The following FBXL4 variants were observed in gnomAD, a reference collection of about 807,000 sequenced individuals.
FBXL4 encodes the protein F-box/LRR-repeat protein 4.
Under a neutral mutation model 58.9 loss-of-function variants are expected in FBXL4, and 40 were observed. That is an observed-to-expected ratio of 0.68 (90% CI 0.53 to 0.88). The LOEUF is 0.88. FBXL4 is among the 40% of genes least tolerant of loss of function. The pLI is 0.00. For missense variants in FBXL4, 676 were observed against 734.4 expected (o/e 0.92, Z 0.92); for synonymous variants, 263 against 265.5 (o/e 0.99, Z 0.09).
intron 8 of FBXL4, among the ~76,000 whole-genome samples, chr6:98,876,199 A>AT (rs1770656900): frequency 6.6e-6 from 1 of 152,206 alleles, no homozygotes; most frequent in South Asian, 2.1e-4. Flanking sequence ...TAATAAGGAT[A>AT]CTAGTTTTGG....
chr6:98,898,700 G>C, intron 7 of FBXL4: 1 of 984,706 alleles, frequency 1.0e-6, no homozygotes, highest in Non-Finnish European at 1.2e-6. Flanking sequence ...ATCATTTGGA[G>C]AATGTTAAAT....
chr6:98,872,225 A>G lies in FBXL4; in HGVS notation c.*2053T>C, dbSNP rs1770509418. 6.6e-6 allele frequency: 1 copy of G among 152,216 alleles called. No individual in the cohort carries two copies. Among genetic ancestry groups the G allele is most frequent in the African/African-American group, 2.4e-5 (1 of 41,458 alleles). 9.4% of individuals were successfully genotyped at this position (152,216 alleles called of 1,614,324 possible). The stretch of plus-strand genomic sequence containing the variant: ...TTTTCAAAATCAATTTAACAGTGCA[A>G]TTGAGGAGCTTCTGCCTAGTCTTCA... On this transcript the variant is annotated 3_prime_UTR_variant, in exon 10 of 10. Coordinates refer to ENST00000369244, the MANE Select transcript of FBXL4 (RefSeq NM_001278716.2).
chr6:98,916,602 G>C lies in FBXL4; in HGVS notation c.858+772C>G, dbSNP rs561748448. The stretch of plus-strand genomic sequence containing the variant: ...CAAACACCGCATGTTCTCACTCATA[G>C]GTGGGAATTGAACAATGAGAACACA... On this transcript the variant is annotated intron_variant, in intron 5 of 9. Transcript: ENST00000369244. 6.6e-5 allele frequency among the ~76,000 whole-genome samples: 10 copies of C among 152,008 alleles called. No homozygotes were observed. In the South Asian group the frequency reaches 2.1e-3, roughly 32 times the overall value.
chr6:98,874,818 C>A lies in FBXL4; in HGVS notation c.1703-377G>T, dbSNP rs555603720. On this transcript the variant is annotated intron_variant, in intron 9 of 9. Transcript: ENST00000369244. ...AGTGCGATATGACTTCACAAAGTATCAATTGTGTGGACAATGATAACTACT... is the reference window on the plus strand; with the variant it reads ...AGTGCGATATGACTTCACAAAGTATAAATTGTGTGGACAATGATAACTACT... Among the ~76,000 whole-genome samples the A allele has an allele frequency of 9.9e-5, 15 of 152,130 alleles. 1 individual carries two copies. The highest frequency in any genetic ancestry group is 2.2e-4 in the Non-Finnish European group (15 of 68,026).
chr6:98,942,491 T>C (rs549810636), intron 1 of FBXL4, among the ~76,000 whole-genome samples: 1 of 152,194 alleles, frequency 6.6e-6, no homozygotes, highest in African/African-American at 2.4e-5. Context: ...TGTTCTCATA[T>C]GAGTTCTGAA....
intron 1 of FBXL4, among the ~76,000 whole-genome samples, chr6:98,940,081 C>A (rs1773377479): frequency 6.6e-6 from 1 of 152,190 alleles, no homozygotes; most frequent in Non-Finnish European, 1.5e-5. Context: ...AAGTGTGTGA[C>A]TACCTTTTGA....
chr6:98,915,812 T>G (rs757904957), intron 5 of FBXL4, among the ~76,000 whole-genome samples: 7,243 of 151,130 alleles, frequency 0.048, 229 homozygotes, highest in Middle Eastern at 0.12. Context: ...AAGCCAAAAT[T>G]GACAAATGGG....
chr6:98,904,792 A>C (rs1459847696), intron 6 of FBXL4, among the ~76,000 whole-genome samples: 1 of 152,204 alleles, frequency 6.6e-6, no homozygotes, highest in Admixed American at 6.5e-5. Context: ...TATCCTAAGA[A>C]AAAATTACTA....
At position 98,875,399 on chromosome 6, in the gene FBXL4, T is replaced by C. The variant is rs1402201940; in HGVS notation, c.1702+16A>G. Reference sequence around the variant, plus strand: ...GAAACAGACATTTAAAACAAATTTATATATTGTAACCTTACCTAATATGTC... The same window carrying C: ...GAAACAGACATTTAAAACAAATTTACATATTGTAACCTTACCTAATATGTC... On this transcript the variant is annotated intron_variant, in intron 9 of 9. Coordinates refer to ENST00000369244, the MANE Select transcript of FBXL4 (RefSeq NM_001278716.2). 6 of 1,610,348 alleles carry C rather than the reference T, an allele frequency of 3.7e-6. No homozygotes were observed. The highest frequency in any genetic ancestry group is 2.2e-5 in the East Asian group (1 of 44,878).
chr6:98,933,540 T>C (rs961371905), intron 2 of FBXL4, among the ~76,000 whole-genome samples: 1 of 152,162 alleles, frequency 6.6e-6, no homozygotes, highest in Non-Finnish European at 1.5e-5. Context: ...CTTCCAATGC[T>C]TGGCACTCTC....
chr6:98,910,656 C>T (rs541927205), intron 5 of FBXL4, among the ~76,000 whole-genome samples: 7 of 145,350 alleles, frequency 4.8e-5, no homozygotes, highest in South Asian at 2.2e-4. Context: ...GACTCCATCT[C>T]GAAAAAAAAA....
intron 6 of FBXL4, among the ~76,000 whole-genome samples, chr6:98,900,725 C>G (rs1771576832): frequency 6.6e-6 from 1 of 152,160 alleles, no homozygotes; most frequent in South Asian, 2.1e-4. Flanking sequence ...TAAAAAAATT[C>G]AGTTGCTGCA....
intron 4 of FBXL4, among the ~76,000 whole-genome samples, chr6:98,925,865 A>G (rs1772756847): frequency 6.6e-6 from 1 of 152,108 alleles, no homozygotes; most frequent in Non-Finnish European, 1.5e-5. Context: ...TCCTAGGCAC[A>G]TGGAGAACAG....
At chr6:98,880,953 C>T (rs1770830921) in intron 7 of FBXL4, among the ~76,000 whole-genome samples, 1 of 152,084 alleles carries the variant, frequency 6.6e-6, no homozygotes, top group Non-Finnish European at 1.5e-5. Context: ...AATTGAACAA[C>T]AAGACAAGCT....
intron 7 of FBXL4, among the ~76,000 whole-genome samples, chr6:98,881,130 G>A (rs1770837867): frequency 6.6e-6 from 1 of 152,152 alleles, no homozygotes; most frequent in South Asian, 2.1e-4. Flanking sequence ...TGACTTTAAT[G>A]TCAAAGGATT....
At chr6:98,887,698 T>C (rs1302356307) in intron 7 of FBXL4, among the ~76,000 whole-genome samples, 1 of 152,194 alleles carries the variant, frequency 6.6e-6, no homozygotes, top group Admixed American at 6.5e-5. Flanking sequence ...CTTTGCTGAA[T>C]AAGAGACGTG....
chr6:98,921,896 T>C (rs1202012822), intron 4 of FBXL4, among the ~76,000 whole-genome samples: 4 of 152,186 alleles, frequency 2.6e-5, no homozygotes, highest in South Asian at 2.1e-4. Flanking sequence ...CTTCCCCGTT[T>C]CCTTGTCTCT....
chr6:98,903,572 T>C (rs568312844), intron 6 of FBXL4, among the ~76,000 whole-genome samples: 2 of 152,272 alleles, frequency 1.3e-5, no homozygotes, highest in South Asian at 2.1e-4. Flanking sequence ...AGAAAGTAGA[T>C]AGAAACTCTA....
In FBXL4 at chr6:98,905,469, A is replaced by G. The variant is rs1028748836; in HGVS notation, c.1060T>C (p.Trp354Arg). Residue 354 changes from tryptophan (W) to arginine (R), a missense_variant, in exon 6 of 10, where the codon TGG becomes CGG. Trp to Arg is a moderately radical substitution (Grantham distance 101, BLOSUM62 -3). Coordinates refer to ENST00000369244, the MANE Select transcript of FBXL4 (RefSeq NM_001278716.2). ...GAGATGAAGCCTCTATTGCCAGTCC[A>G]AGATAAATTAAGCCACTGGACAAGA... ...CTLVQWLNLS[W>R]TGNRGFISVA... The G allele has an allele frequency of 1.9e-6, 3 of 1,613,970 alleles. No homozygotes were observed. The highest frequency in any genetic ancestry group is 4.5e-5 in the East Asian group (2 of 44,886).
Sources: allele counts gnomAD v4.1 joint callset (sites outside exome capture counted in the v4.1 genomes callset), GRCh38; gene constraint gnomAD v4.1.1; transcripts MANE v1.5; gene names NCBI Gene and HGNC (gene_info 2026-07-23, HGNC 2026-07-21).